Variants in HTR3B observed in about 807,000 individuals in gnomAD.
The protein encoded by HTR3B is 5-hydroxytryptamine receptor 3B.
In HTR3B, 44 loss-of-function variants were observed where a neutral mutation model predicts 42.8. That is an observed-to-expected ratio of 1.03 (90% CI 0.81 to 1.32). The LOEUF (loss-of-function observed/expected upper bound fraction) is 1.32. HTR3B is among the 40% of genes most tolerant of loss of function. The pLI, the probability that HTR3B is intolerant of heterozygous loss-of-function variation, is 0.00. For missense variants in HTR3B, 527 were observed against 536.5 expected (o/e 0.98, Z 0.17); for synonymous variants, 203 against 209.0 (o/e 0.97, Z 0.25).
chr11:113,913,706 G>C (rs1396670445), intron 2 of HTR3B, among the ~76,000 whole-genome samples: 1 of 148,234 alleles, frequency 6.7e-6, no homozygotes, highest in Non-Finnish European at 1.5e-5. Context: ...GCAGAGACAG[G>C]GTTTTGCCAT....
intron 7 of HTR3B, 126 bp downstream of exon 7, chr11:113,943,318 C>T (rs1423838698): frequency 3.1e-5 from 24 of 768,210 alleles, no homozygotes; most frequent in Middle Eastern, 3.6e-4. Context: ...GGGAGGACCA[C>T]TTCAGCTCAG....
intron 2 of HTR3B, among the ~76,000 whole-genome samples, chr11:113,922,529 G>A (rs1220360589): frequency 6.6e-6 from 1 of 151,316 alleles, no homozygotes; most frequent in Non-Finnish European, 1.5e-5. Flanking sequence ...CCGCCGGGCT[G>A]AGCCAAGTCT....
chr11:113,940,021 G>C (rs910896582), intron 6 of HTR3B, among the ~76,000 whole-genome samples: 25 of 152,030 alleles, frequency 1.6e-4, no homozygotes, highest in African/African-American at 5.8e-4. Flanking sequence ...CGAGTAGCTG[G>C]GACTACAGGC....
At chr11:113,911,791 A>T (rs1043057001) in intron 2 of HTR3B, among the ~76,000 whole-genome samples, 2 of 152,120 alleles carry the variant, frequency 1.3e-5, no homozygotes, top group African/African-American at 4.8e-5. Context: ...GCCTCCCAAA[A>T]GTGCTGGGAT....
intron 2 of HTR3B, among the ~76,000 whole-genome samples, chr11:113,922,066 C>T (rs181055752): frequency 6.6e-6 from 1 of 152,246 alleles, no homozygotes; most frequent in African/African-American, 2.4e-5. Context: ...TCTGCTATTT[C>T]CCCTACCAAA....
intron 2 of HTR3B, among the ~76,000 whole-genome samples, chr11:113,918,513 C>T (rs1240478528): frequency 1.3e-5 from 2 of 152,010 alleles, no homozygotes; most frequent in Non-Finnish European, 2.9e-5. Flanking sequence ...CAATATACTA[C>T]CTTTGAGATT....
At chr11:113,943,560 C>T (rs2137539329) in intron 7 of HTR3B, among the ~76,000 whole-genome samples, 1 of 152,112 alleles carries the variant, frequency 6.6e-6, no homozygotes, top group Admixed American at 6.5e-5. Context: ...GTCTTGAACT[C>T]CTGACCTCAG....
At chr11:113,907,851 C>G (rs1301188777) in intron 1 of HTR3B, among the ~76,000 whole-genome samples, 1 of 152,194 alleles carries the variant, frequency 6.6e-6, no homozygotes, top group East Asian at 1.9e-4. Context: ...AAGCTGCCCA[C>G]AGCAAAGTTG....
chr11:113,909,749 A>G (rs1412336767), intron 2 of HTR3B, among the ~76,000 whole-genome samples: 4 of 152,060 alleles, frequency 2.6e-5, no homozygotes, highest in Admixed American at 2.6e-4. Flanking sequence ...TTGGGAGGCC[A>G]AGGTAGGCAG....
At chr11:113,917,310 T>A (rs1386736846) in intron 2 of HTR3B, among the ~76,000 whole-genome samples, 1 of 151,994 alleles carries the variant, frequency 6.6e-6, no homozygotes, top group Non-Finnish European at 1.5e-5. Context: ...TTTTTCTACT[T>A]TTATTAGAGA....
chr11:113,931,484 A>T, intron 3 of HTR3B, 56 bp downstream of exon 3: 1 of 1,076,136 alleles, frequency 9.3e-7, no homozygotes, highest in Non-Finnish European at 1.4e-6. Flanking sequence ...GATCTGCTGC[A>T]AAATATAGTT....
Position 113,909,322 on chromosome 11 carries a change from C to G in HTR3B, c.80C>G (p.Pro27Arg), listed in dbSNP as rs768281332. 2.5e-6 allele frequency: 4 copies of G among 1,612,344 alleles called. No homozygotes were observed. In the South Asian group the frequency reaches 4.4e-5, roughly 18 times the overall value. The change falls in exon 2 of 9, where the codon CCC becomes CGC. Residue 27 changes from proline (P) to arginine (R), a missense_variant. By Grantham distance (103) the Pro-to-Arg change is moderately radical (BLOSUM62 -2). Transcript: ENST00000260191. The part of the protein sequence containing the change: ...AGILATDTHH[P>R]QDSALYHLSK... ...ATTCTAGCCACAGATACACATCATC[C>G]CCAGGATTCTGCTCTGTATCATCTC...
intron 2 of HTR3B, among the ~76,000 whole-genome samples, chr11:113,918,231 A>G (rs1949875643): frequency 6.6e-6 from 1 of 151,412 alleles, no homozygotes; most frequent in East Asian, 2.0e-4. Context: ...GGTACAATCT[A>G]TAGAGCTTAT....
rs778347233 is a variant in HTR3B, at chr11:113,932,932, G to T, written c.539-4G>T. 3 of 1,613,076 alleles carry T rather than the reference G, an allele frequency of 1.9e-6. No individual in the cohort carries two copies. Among genetic ancestry groups the T allele is most frequent in the African/African-American group, 1.3e-5 (1 of 74,826 alleles). On this transcript the variant is annotated splice_polypyrimidine_tract_variant and splice_region_variant and intron_variant, in intron 5 of 8. Transcript: ENST00000260191. ...GGAAAGTCAATTGTTTGTGTTGTTT[G>T]CAGTGGAAGACGTAGACCTGGCCTT...
chr11:113,936,905 A>G lies in HTR3B; in HGVS notation c.696+3812A>G, dbSNP rs72645450. ...CTTGGGGCCTATTCCATCTCCAAGG[A>G]GCTCTCCACACACACATTCGGAATT... On this transcript the variant is annotated intron_variant, in intron 6 of 8. Transcript: ENST00000260191. Among the ~76,000 whole-genome samples the G allele has an allele frequency of 2.8e-3, 426 of 152,298 alleles. 22 individuals are homozygous for G. In the East Asian group the frequency reaches 0.074, roughly 26 times the overall value.
At chr11:113,919,554 C>T (rs549429368) in intron 2 of HTR3B, among the ~76,000 whole-genome samples, 130 of 152,198 alleles carry the variant, frequency 8.5e-4, no homozygotes, top group African/African-American at 2.8e-3. Flanking sequence ...TTAGGCAGGG[C>T]GCTGTGGCTC....
At chr11:113,937,615 G>A (rs755167035) in intron 6 of HTR3B, among the ~76,000 whole-genome samples, 2 of 152,190 alleles carry the variant, frequency 1.3e-5, no homozygotes, top group African/African-American at 2.4e-5. Flanking sequence ...ATGAATTGAG[G>A]TGCAGAGAAG....
At position 113,904,993 on chromosome 11, in the gene HTR3B, C is replaced by G; in HGVS notation, c.52+8C>G. 1 of 1,601,040 alleles carries G rather than the reference C, an allele frequency of 6.2e-7. No homozygotes were observed. The highest frequency in any genetic ancestry group is 8.6e-7 in the Non-Finnish European group (1 of 1,168,450). On this transcript the variant is annotated splice_region_variant and intron_variant, in intron 1 of 8. Coordinates refer to ENST00000260191, the MANE Select transcript of HTR3B (RefSeq NM_006028.5). The stretch of plus-strand genomic sequence containing the variant: ...GCATCCTGGTGGCTGCAGGTGAGTC[C>G]TTTTAATAATTTTACTAGGCATTAA...
intron 2 of HTR3B, among the ~76,000 whole-genome samples, chr11:113,909,864 G>A (rs1949769134): frequency 6.6e-6 from 1 of 151,496 alleles, no homozygotes; most frequent in Admixed American, 6.6e-5. Flanking sequence ...CATGCCTGTA[G>A]TTCCAGCTAC....
Sources: allele counts gnomAD v4.1 joint callset (sites outside exome capture counted in the v4.1 genomes callset), GRCh38; gene constraint gnomAD v4.1.1; transcripts MANE v1.5; gene names NCBI Gene and HGNC (gene_info 2026-07-23, HGNC 2026-07-21).